Variants in LIN54 observed in about 807,000 individuals in gnomAD.
LIN54 encodes protein lin-54 homolog.
LIN54 carries 9 observed loss-of-function variants against 78.7 expected under a neutral mutation model. The observed-to-expected ratio is 0.11, with a 90% CI of 0.07 to 0.20. The LOEUF (loss-of-function observed/expected upper bound fraction) is 0.20, where lower values mean the gene tolerates loss of function less well. Ranked by LOEUF, LIN54 falls within the 10% of genes least tolerant of loss-of-function variation. The pLI, the probability that LIN54 is intolerant of heterozygous loss-of-function variation, is 1.00. For synonymous variants in LIN54, 269 were observed against 318.4 expected, an observed-to-expected ratio of 0.84 and a Z score of 1.65; for missense variants, 573 against 889.9, an observed-to-expected ratio of 0.64 and a Z score of 4.53.
At chr4:83,005,549 C>T (rs1388242311) in intron 1 of LIN54, among the ~76,000 whole-genome samples, 2 of 150,058 alleles carry the variant, frequency 1.3e-5, no homozygotes, top group African/African-American at 2.5e-5. Flanking sequence ...CACTTGAACA[C>T]GGGAGGCAGA....
chr4:82,947,233 A>ACTTTTT (rs1723451347), intron 4 of LIN54, among the ~76,000 whole-genome samples: 1 of 16,860 alleles, frequency 5.9e-5, no homozygotes, highest in Non-Finnish European at 1.4e-4. Flanking sequence ...ATATATATAT[A>ACTTTTT]TATTTTTTTT....
intron 6 of LIN54, 42 bp downstream of exon 6, chr4:82,939,847 T>G: frequency 6.3e-7 from 1 of 1,592,508 alleles, no homozygotes; most frequent in Non-Finnish European, 8.6e-7. Context: ...AAGTAAATCG[T>G]CTATTTGGGA....
rs1722700858 is a variant in LIN54 at position 82,939,828 on chromosome 4, C to A, written c.1242+61G>T. On this transcript the variant is annotated intron_variant, in intron 6 of 12. Coordinates refer to ENST00000340417, the MANE Select transcript of LIN54 (RefSeq NM_194282.4). ...TCTCTTGCACCTAAATCTTAACTTT[C>A]TATTTAAAAAGTAAATCGTCTATTT... 1.1e-5 allele frequency: 17 copies of A among 1,582,962 alleles called. 1 individual carries two copies. The South Asian group carries it at 1.8e-4, about 17-fold the overall frequency.
At chr4:82,945,259 C>A (rs1415527531) in intron 5 of LIN54, among the ~76,000 whole-genome samples, 1 of 152,222 alleles carries the variant, frequency 6.6e-6, no homozygotes, top group East Asian at 1.9e-4. Flanking sequence ...TCAACTGCTT[C>A]TTGACATTGT....
At chr4:82,963,120 T>C (rs1724936762) in intron 4 of LIN54, among the ~76,000 whole-genome samples, 1 of 152,010 alleles carries the variant, frequency 6.6e-6, no homozygotes, top group African/African-American at 2.4e-5. Flanking sequence ...AAAAAGACAT[T>C]ATATACATAG....
At chr4:82,991,113 G>A (rs1375800242) in intron 1 of LIN54, among the ~76,000 whole-genome samples, 13 of 130,148 alleles carry the variant, frequency 1.0e-4, no homozygotes, top group Non-Finnish European at 1.4e-4. Flanking sequence ...GTGCACCACT[G>A]TACTCCAGCC....
chr4:82,977,016 C>T (rs1446749159), intron 3 of LIN54, among the ~76,000 whole-genome samples: 1 of 152,048 alleles, frequency 6.6e-6, no homozygotes. Flanking sequence ...CATAAACAAC[C>T]CAAAGACCAA....
Position 82,936,515 on chromosome 4 carries a change from C to T in LIN54, c.1605-134G>A, listed in dbSNP as rs977836643. 17 of 531,088 alleles carry T rather than the reference C, an allele frequency of 3.2e-5. No homozygotes were observed. The African/African-American group carries it at 3.2e-4, about 10-fold the overall frequency. The allele number at this position is 531,088 out of a possible 1,614,324, so 32.9% of individuals were successfully genotyped here. ...AGCATCTCAGAAATCTACTCAGCTA[C>T]CCAGTTAAAGAGTTAACAACACATA... On this transcript the variant is annotated intron_variant, in intron 9 of 12. Coordinates refer to ENST00000340417, the MANE Select transcript of LIN54 (RefSeq NM_194282.4).
chr4:82,958,763 C>T (rs577926431), intron 4 of LIN54, among the ~76,000 whole-genome samples: 3 of 152,124 alleles, frequency 2.0e-5, no homozygotes, highest in Non-Finnish European at 2.9e-5. Flanking sequence ...AAGGCAGCGG[C>T]GCAATCTCGG....
chr4:82,929,331 A>T (rs1721754000), intron 12 of LIN54, among the ~76,000 whole-genome samples: 1 of 152,108 alleles, frequency 6.6e-6, no homozygotes, highest in Non-Finnish European at 1.5e-5. Flanking sequence ...CAATTTTAAA[A>T]ATTAATTATA....
intron 12 of LIN54, 121 bp downstream of exon 12, chr4:82,930,822 A>G: frequency 1.2e-6 from 1 of 828,916 alleles, no homozygotes; most frequent in Non-Finnish European, 1.9e-6. Flanking sequence ...TAAAGATGGA[A>G]AGAAAACACA....
intron 3 of LIN54, among the ~76,000 whole-genome samples, chr4:82,976,726 A>G (rs928582839): frequency 3.3e-5 from 5 of 152,202 alleles, no homozygotes; most frequent in African/African-American, 1.2e-4. Flanking sequence ...GACTAGCTGC[A>G]TGGAAAAAGA....
intron 11 of LIN54, among the ~76,000 whole-genome samples, chr4:82,934,448 C>G (rs1722225413): frequency 6.6e-6 from 1 of 152,150 alleles, no homozygotes; most frequent in African/African-American, 2.4e-5. Context: ...AAACTTGTCT[C>G]TTTATGCAAT....
intron 4 of LIN54, among the ~76,000 whole-genome samples, chr4:82,967,781 G>A (rs891658242): frequency 6.6e-6 from 1 of 152,188 alleles, no homozygotes; most frequent in South Asian, 2.1e-4. Context: ...GGCACCAGAA[G>A]CTGGATTACA....
intron 1 of LIN54, among the ~76,000 whole-genome samples, chr4:82,988,621 A>C (rs1254611638): frequency 6.6e-6 from 1 of 152,202 alleles, no homozygotes; most frequent in Admixed American, 6.5e-5. Flanking sequence ...TGAAACTGCT[A>C]AACTATTTCC....
chr4:82,928,078 A>G lies in LIN54; in HGVS notation c.*24T>C. 1 of 1,606,068 alleles carries G rather than the reference A, an allele frequency of 6.2e-7. No homozygotes were observed. Among genetic ancestry groups the G allele is most frequent in the South Asian group, 1.1e-5 (1 of 90,936 alleles). The stretch of plus-strand genomic sequence containing the variant: ...CACCTTAAATTTTCTGTACAGTTCC[A>G]TTTATCAGTCTTTTGTGCAAGAGTT... On this transcript the variant is annotated 3_prime_UTR_variant, in exon 13 of 13. Transcript: ENST00000340417.
At chr4:82,971,401 T>C (rs546441033) in intron 3 of LIN54, among the ~76,000 whole-genome samples, 1 of 152,286 alleles carries the variant, frequency 6.6e-6, no homozygotes, top group Admixed American at 6.5e-5. Flanking sequence ...CTTCCAAAGT[T>C]TATTTTCCTC....
chr4:82,942,888 A>ACCCT (rs1198051105), intron 5 of LIN54, among the ~76,000 whole-genome samples: 7 of 141,258 alleles, frequency 5.0e-5, no homozygotes, highest in Non-Finnish European at 9.6e-5. Context: ...ACACACACAC[A>ACCCT]CACACCCTCC....
At chr4:83,010,448 G>A in intron 1 of LIN54, 36 bp downstream of exon 1, 1 of 763,238 alleles carries the variant, frequency 1.3e-6, no homozygotes. Context: ...GAGATCTCCG[G>A]ACAGAGAAGC....
Sources: allele counts gnomAD v4.1 joint callset (sites outside exome capture counted in the v4.1 genomes callset), GRCh38; gene constraint gnomAD v4.1.1; transcripts MANE v1.5; gene names NCBI Gene and HGNC (gene_info 2026-07-23, HGNC 2026-07-21).